Variants in TMEM108 observed in about 807,000 individuals in gnomAD.
The protein encoded by TMEM108 is cancer/testis antigen 124.
A neutral mutation model predicts 35.1 loss-of-function variants in TMEM108; 12 were observed. The observed-to-expected ratio is 0.34, with a 90% CI of 0.22 to 0.55. The LOEUF is 0.55. Ranked by LOEUF, TMEM108 falls within the 20% of genes least tolerant of loss-of-function variation. The probability of loss-of-function intolerance (pLI) is 0.89; values close to 1 mark genes in which losing one functional copy is unlikely to be tolerated. For missense variants in TMEM108, 680 were observed against 753.3 expected (o/e 0.90, Z 1.14); for synonymous variants, 287 against 308.6 (o/e 0.93, Z 0.73).
At chr3:133,390,405 C>G (rs536278747) in intron 5 of TMEM108, 71 bp downstream of exon 5, 2 of 1,553,400 alleles carry the variant, frequency 1.3e-6, no homozygotes, top group East Asian at 2.2e-5. Flanking sequence ...GGCATCTGCT[C>G]ATTTCTGAGT....
At chr3:133,370,010 A>C (rs138098123) in intron 3 of TMEM108, among the ~76,000 whole-genome samples, 1 of 152,206 alleles carries the variant, frequency 6.6e-6, no homozygotes, top group Non-Finnish European at 1.5e-5. Flanking sequence ...AAGTTGCAAC[A>C]GTAGTGCAGA....
chr3:133,316,531 G>A (rs1192285753), intron 3 of TMEM108, among the ~76,000 whole-genome samples: 3 of 152,138 alleles, frequency 2.0e-5, no homozygotes, highest in Non-Finnish European at 4.4e-5. Context: ...AGTGCTTGTC[G>A]AAAAAGGTCT....
chr3:133,388,300 G>A (rs1443613696), intron 4 of TMEM108: 14 of 984,398 alleles, frequency 1.4e-5, no homozygotes, highest in East Asian at 1.1e-4. Context: ...CAGGGGACCC[G>A]GGATCTTGTC....
intron 2 of TMEM108, among the ~76,000 whole-genome samples, chr3:133,169,879 G>T (rs540990945): frequency 6.6e-6 from 1 of 152,260 alleles, no homozygotes; most frequent in African/African-American, 2.4e-5. Flanking sequence ...AACAAAAGAT[G>T]GTGATTAGCT....
intron 2 of TMEM108, among the ~76,000 whole-genome samples, chr3:133,175,114 G>A (rs898254254): frequency 6.6e-6 from 1 of 152,144 alleles, no homozygotes; most frequent in South Asian, 2.1e-4. Flanking sequence ...AGTGAGAAGG[G>A]AAGTTTAGAG....
intron 1 of TMEM108, among the ~76,000 whole-genome samples, chr3:133,038,981 T>C (rs1943240714): frequency 6.6e-6 from 1 of 152,182 alleles, no homozygotes; most frequent in Non-Finnish European, 1.5e-5. Context: ...GGAGCCTCCG[T>C]GCTGCCCGGG....
At chr3:133,340,929 A>G (rs577541144) in intron 3 of TMEM108, among the ~76,000 whole-genome samples, 2 of 151,966 alleles carry the variant, frequency 1.3e-5, no homozygotes, top group South Asian at 2.1e-4. Context: ...AATAAAAGCC[A>G]TATACTACAG....
chr3:133,258,637 C>A (rs192399630), intron 3 of TMEM108, among the ~76,000 whole-genome samples: 157 of 152,320 alleles, frequency 1.0e-3, no homozygotes, highest in African/African-American at 3.8e-3. Context: ...AGCTGTTTGG[C>A]ATCACCACTG....
At chr3:133,253,596 G>A (rs1334869998) in intron 3 of TMEM108, 1 of 152,200 alleles carries the variant, frequency 6.6e-6, no homozygotes, top group Non-Finnish European at 1.5e-5. Flanking sequence ...CATCCCAGTT[G>A]TTACTGCTTA....
intron 2 of TMEM108, among the ~76,000 whole-genome samples, chr3:133,069,010 A>G (rs1359002609): frequency 1.3e-5 from 2 of 152,180 alleles, no homozygotes; most frequent in Non-Finnish European, 2.9e-5. Flanking sequence ...GTGTACATCC[A>G]TGTTTGGATA....
At chr3:133,091,277 C>G (rs981404303) in intron 2 of TMEM108, among the ~76,000 whole-genome samples, 3 of 152,108 alleles carry the variant, frequency 2.0e-5, no homozygotes, top group Admixed American at 6.5e-5. Context: ...TTTCTGTACT[C>G]TAGATCCTCT....
At chr3:133,169,659 G>A (rs573574178) in intron 2 of TMEM108, among the ~76,000 whole-genome samples, 7 of 152,220 alleles carry the variant, frequency 4.6e-5, no homozygotes, top group South Asian at 2.1e-4. Flanking sequence ...TATTATAACC[G>A]GGGACAAAAT....
At chr3:133,158,954 G>T (rs115140483) in intron 2 of TMEM108, among the ~76,000 whole-genome samples, 76 of 151,992 alleles carry the variant, frequency 5.0e-4, no homozygotes, top group Non-Finnish European at 9.6e-4. Flanking sequence ...TGTTTAGCAG[G>T]CTGTAAAAAT....
chr3:133,081,637 G>C, intron 2 of TMEM108, among the ~76,000 whole-genome samples: 1 of 152,158 alleles, frequency 6.6e-6, no homozygotes, highest in Admixed American at 6.5e-5. Context: ...TTGTAACTCT[G>C]ACTCTTATTT....
intron 2 of TMEM108, among the ~76,000 whole-genome samples, chr3:133,197,473 GCA>G (rs1042475283): frequency 2.0e-5 from 3 of 151,860 alleles, no homozygotes; most frequent in Admixed American, 2.0e-4. Context: ...CTAATGAGAA[GCA>G]CACAGAGTAC....
chr3:133,333,789 T>G (rs912125251), intron 3 of TMEM108, among the ~76,000 whole-genome samples: 7 of 152,230 alleles, frequency 4.6e-5, no homozygotes, highest in Non-Finnish European at 8.8e-5. Context: ...TTTGTGTATT[T>G]TCATTGAGCA....
chr3:133,379,874 C>A lies in TMEM108; in HGVS notation c.163C>A (p.His55Asn). The A allele has an allele frequency of 6.2e-7, 1 of 1,614,026 alleles. No homozygotes were observed. The highest frequency in any genetic ancestry group is 8.5e-7 in the Non-Finnish European group (1 of 1,179,948). ...TPPGTMVTAP[H>N]SSTRHTSVVM... ...CCCGGGAACCATGGTGACAGCACCC[C>A]ACAGCTCTACCAGACATACTTCTGT... The change falls in exon 4 of 6, where the codon CAC becomes AAC. Residue 55 changes from histidine (H) to asparagine (N), a missense_variant. By Grantham distance (68) the His-to-Asn change is moderately conservative. Around this residue, in one of 3 missense-constraint regions of TMEM108, gnomAD observed 49 missense variants for 70.6 expected, o/e 0.69. Coordinates refer to ENST00000321871, the MANE Select transcript of TMEM108 (RefSeq NM_023943.4).
intron 2 of TMEM108, among the ~76,000 whole-genome samples, chr3:133,094,194 T>G (rs1434702502): frequency 6.7e-6 from 1 of 149,590 alleles, no homozygotes; most frequent in African/African-American, 2.5e-5. Context: ...TGTGAGTCAT[T>G]CTTTCTTTCT....
chr3:133,387,486 C>A, intron 4 of TMEM108: 1 of 985,432 alleles, frequency 1.0e-6, no homozygotes, highest in Non-Finnish European at 1.2e-6. Context: ...GGCCTTCCCG[C>A]AGGGCAGGAT....
Sources: gnomAD v4.1 joint callset for allele counts (sites outside exome capture counted in the v4.1 genomes callset) on GRCh38, gnomAD v4.1.1 for gene constraint, gnomAD v4.1.1 regional missense constraint, MANE v1.5 for transcripts, NCBI Gene and HGNC (gene_info 2026-07-23, HGNC 2026-07-21) for gene names.